Variants in PPAT observed in about 807,000 individuals in gnomAD.
PPAT encodes amidophosphoribosyltransferase.
Under a neutral mutation model 60.2 loss-of-function variants are expected in PPAT, and 20 were observed. The observed-to-expected ratio is 0.33, with a 90% CI of 0.23 to 0.48. The LOEUF is 0.48. Among genes scored for constraint, PPAT ranks in the 20% least tolerant of loss-of-function variants. PPAT has a pLI of 0.99. For synonymous variants in PPAT, 194 were observed against 215.1 expected (o/e 0.90, Z 0.86); for missense variants, 349 against 629.6 (o/e 0.55, Z 4.77).
intron 1 of PPAT, among the ~76,000 whole-genome samples, chr4:56,409,205 T>C (rs1248500091): frequency 3.4e-5 from 5 of 149,244 alleles, no homozygotes; most frequent in African/African-American, 7.8e-5. Flanking sequence ...ACTAAAGCAA[T>C]AGAAAGGAAG....
chr4:56,429,495 T>C (rs563577060), intron 1 of PPAT, among the ~76,000 whole-genome samples: 2 of 152,194 alleles, frequency 1.3e-5, no homozygotes, highest in South Asian at 2.1e-4. Flanking sequence ...GAAAAGATAA[T>C]ATAATGCAAT....
intron 8 of PPAT, chr4:56,400,182 C>T (rs2110037774): frequency 6.6e-6 from 1 of 152,654 alleles, no homozygotes; most frequent in South Asian, 2.1e-4. Context: ...TTCCTCTTCC[C>T]TCCTCAGCCT....
intron 1 of PPAT, chr4:56,410,401 C>A: frequency 2.7e-6 from 1 of 373,000 alleles, no homozygotes; most frequent in Non-Finnish European, 3.7e-6. Context: ...GCAGCTTGAA[C>A]CAGTTAAACT....
chr4:56,417,800 A>G (rs1716834834), intron 1 of PPAT, among the ~76,000 whole-genome samples: 1 of 150,862 alleles, frequency 6.6e-6, no homozygotes, highest in South Asian at 2.1e-4. Flanking sequence ...AACAAAATAA[A>G]TTATGATTAA....
At chr4:56,398,417 A>T (rs1479276149) in intron 9 of PPAT, among the ~76,000 whole-genome samples, 1 of 152,132 alleles carries the variant, frequency 6.6e-6, no homozygotes, top group African/African-American at 2.4e-5. Context: ...TTACACTGGG[A>T]TTGGCTGCAT....
rs114202274 is a variant in PPAT, at chr4:56,419,659, T to A, written c.129-11943A>T. ...GAACCCTCTAATAATACAACTTTTATCCCAACTGTAGCAAATGAAGGAGGA... is the reference window on the plus strand; with the variant it reads ...GAACCCTCTAATAATACAACTTTTAACCCAACTGTAGCAAATGAAGGAGGA... On this transcript the variant is annotated intron_variant, in intron 1 of 10. Transcript: ENST00000264220. 7.1e-3 allele frequency: 6,984 copies of A among 983,910 alleles called. 34 individuals carry two copies. Among genetic ancestry groups the A allele is most frequent in the Non-Finnish European group, 7.3e-3 (6,031 of 828,550 alleles). 60.9% of individuals were successfully genotyped at this position (983,910 alleles called of 1,614,324 possible).
chr4:56,407,567 C>G lies in PPAT; in HGVS notation c.195+83G>C, dbSNP rs1414644361. ...TCCCGACCTCAGGTGATCCTCCTGCCTTGGCCTGCCAAAGTCCTGGGATTA... is the reference window on the plus strand; with the variant it reads ...TCCCGACCTCAGGTGATCCTCCTGCGTTGGCCTGCCAAAGTCCTGGGATTA... On this transcript the variant is annotated intron_variant, in intron 2 of 10. Transcript: ENST00000264220. 3 of 1,133,782 alleles carry G rather than the reference C, an allele frequency of 2.6e-6. No homozygotes were observed. The African/African-American group carries it at 4.6e-5, about 17-fold the overall frequency. 70.2% of individuals were successfully genotyped at this position (1,133,782 alleles called of 1,614,324 possible).
chr4:56,393,839 T>C lies in PPAT; in HGVS notation c.*1513A>G, dbSNP rs1715887922. 6.6e-6 allele frequency: 1 copy of C among 152,532 alleles called. No individual in the cohort carries two copies. The highest frequency in any genetic ancestry group is 6.5e-5 in the Admixed American group (1 of 15,272). The allele number at this position is 152,532 out of a possible 1,614,324, so 9.4% of individuals were successfully genotyped here. On this transcript the variant is annotated 3_prime_UTR_variant, in exon 11 of 11. Transcript: ENST00000264220. ...CATTTAAGACAAGAGGCTACGCATGTTGAGGTGGTCCCAGGGCTTTATTCA... is the reference window on the plus strand; with the variant it reads ...CATTTAAGACAAGAGGCTACGCATGCTGAGGTGGTCCCAGGGCTTTATTCA...
intron 3 of PPAT, chr4:56,404,217 G>T: frequency 8.0e-6 from 2 of 251,102 alleles, no homozygotes; most frequent in South Asian, 4.3e-5. Context: ...AGTGGGTAGG[G>T]GTTCCCAAAA....
At chr4:56,417,981 AG>A (rs1202345421) in intron 1 of PPAT, among the ~76,000 whole-genome samples, 2 of 151,784 alleles carry the variant, frequency 1.3e-5, no homozygotes, top group Non-Finnish European at 2.9e-5. Flanking sequence ...CTGGGATTAC[AG>A]GTGTGCACCA....
At chr4:56,405,720 C>T (rs1447176480) in intron 3 of PPAT, among the ~76,000 whole-genome samples, 1 of 152,268 alleles carries the variant, frequency 6.6e-6, no homozygotes, top group East Asian at 1.9e-4. Flanking sequence ...CTCGTTCCCA[C>T]ATACCCTGCC....
At chr4:56,433,209 G>A (rs1412084352) in intron 1 of PPAT, among the ~76,000 whole-genome samples, 1 of 151,630 alleles carries the variant, frequency 6.6e-6, no homozygotes, top group Non-Finnish European at 1.5e-5. Context: ...CCCTCTTTGT[G>A]CACCTTAATG....
chr4:56,419,454 C>A (rs1248571545), intron 1 of PPAT, among the ~76,000 whole-genome samples: 1 of 152,160 alleles, frequency 6.6e-6, no homozygotes, highest in African/African-American at 2.4e-5. Flanking sequence ...GATTTAGGTT[C>A]TGTATTTTGT....
Position 56,394,943 on chromosome 4 carries a change from A to G in PPAT, c.*409T>C, listed in dbSNP as rs1715928754. The G allele has an allele frequency of 6.4e-6, 1 of 155,430 alleles. No individual in the cohort carries two copies. The highest frequency in any genetic ancestry group is 1.4e-5 in the Non-Finnish European group (1 of 70,674). 9.6% of individuals were successfully genotyped at this position (155,430 alleles called of 1,614,324 possible). A position where few individuals can be genotyped will look rare whatever the true frequency, so the allele number is the denominator to read the frequency against. On this transcript the variant is annotated 3_prime_UTR_variant, in exon 11 of 11. Coordinates refer to ENST00000264220, the MANE Select transcript of PPAT (RefSeq NM_002703.5). ...ACAGCCAGAACTGTAGAGGCTAGAC[A>G]CCTATGAGGTATAATGTATTCTATT... is the stretch of plus-strand genomic sequence containing the variant.
rs1187199641 is a variant in PPAT, at chr4:56,435,334, C to T, written c.128+16G>A. 2 of 1,613,382 alleles carry T rather than the reference C, an allele frequency of 1.2e-6. No homozygotes were observed. Among genetic ancestry groups the T allele is most frequent in the East Asian group, 2.2e-5 (1 of 44,878 alleles). On this transcript the variant is annotated intron_variant, in intron 1 of 10. Coordinates refer to ENST00000264220, the MANE Select transcript of PPAT (RefSeq NM_002703.5). ...ATGGAGACGCACGCCCCCGCCACCC[C>T]CACCCTGTTGCTCACCGGTGCTGCA...
At chr4:56,413,312 G>T (rs1191134110) in intron 1 of PPAT, among the ~76,000 whole-genome samples, 1 of 152,082 alleles carries the variant, frequency 6.6e-6, no homozygotes, top group Non-Finnish European at 1.5e-5. Flanking sequence ...ACGCCACCAT[G>T]CCCAGCTAGT....
chr4:56,397,763 C>T (rs929796189), intron 9 of PPAT, among the ~76,000 whole-genome samples: 3 of 151,776 alleles, frequency 2.0e-5, no homozygotes, highest in Non-Finnish European at 4.4e-5. Flanking sequence ...AAAGTGAGGC[C>T]GGGTATGGTG....
chr4:56,397,931 A>G (rs1194226336), intron 9 of PPAT, among the ~76,000 whole-genome samples: 1 of 151,928 alleles, frequency 6.6e-6, no homozygotes, highest in Non-Finnish European at 1.5e-5. Context: ...GGTCCCAGCT[A>G]TTTGGGAGGC....
At chr4:56,428,984 A>G (rs756763653) in intron 1 of PPAT, 96 of 978,544 alleles carry the variant, frequency 9.8e-5, no homozygotes, top group Non-Finnish European at 7.8e-5. Context: ...TTTGAGCTTC[A>G]AGAGAAAAGC....
Sources: gnomAD v4.1 joint callset for allele counts (sites outside exome capture counted in the v4.1 genomes callset) on GRCh38, gnomAD v4.1.1 for gene constraint, MANE v1.5 for transcripts, NCBI Gene and HGNC (gene_info 2026-07-23, HGNC 2026-07-21) for gene names.